Variants in PLXNA4 observed in about 807,000 individuals in gnomAD.
PLXNA4 encodes the protein plexin-A4.
PLXNA4 carries 44 observed loss-of-function variants against 191.8 expected under a neutral mutation model. That is an observed-to-expected ratio of 0.23 (90% CI 0.18 to 0.29). The LOEUF (loss-of-function observed/expected upper bound fraction) is 0.29. Ranked by LOEUF, PLXNA4 falls within the 10% of genes least tolerant of loss-of-function variation. The pLI, the probability that PLXNA4 is intolerant of heterozygous loss-of-function variation, is 1.00. For missense variants in PLXNA4, 1,800 were observed against 2,488.8 expected (o/e 0.72, Z 5.89); for synonymous variants, 1,082 against 1,009.5 (o/e 1.07, Z -1.36).
chr7:132,637,303 C>T (rs1803628613), intron 2 of PLXNA4, among the ~76,000 whole-genome samples: 2 of 152,170 alleles, frequency 1.3e-5, no homozygotes, highest in South Asian at 4.1e-4. Context: ...TGTCCAAGCA[C>T]CCCTTCACCT....
intron 1 of PLXNA4, among the ~76,000 whole-genome samples, chr7:132,511,500 GA>G (rs1798713990): frequency 6.6e-6 from 1 of 152,164 alleles, no homozygotes; most frequent in South Asian, 2.1e-4. Flanking sequence ...CCAGTATCAT[GA>G]GAAAAACAAA....
At chr7:132,576,517 G>GC (rs1802246473), upstream of PLXNA4, 2 of 985,962 alleles carry the variant, frequency 2.0e-6, no homozygotes, top group South Asian at 4.7e-5. This position sits in a 1 kb window ranked among gnomAD's most constrained non-coding sequence, Gnocchi z 5.8. Flanking sequence ...CTGAACGTGT[G>GC]CGTGTGCGCG....
In PLXNA4 at chr7:132,130,525, G is replaced by A. The variant is rs772178334; in HGVS notation, c.5639C>T (p.Ala1880Val). Residue 1880 changes from alanine (A) to valine (V), a missense_variant, in exon 32 of 32, where the codon GCC becomes GTC. This residue lies in a region of PLXNA4 where 83 missense variants were observed against 81.6 expected (regional missense o/e 1.02). Transcript: ENST00000321063. The part of the protein sequence containing the change: ...HDDQCGKQKL[A>V]YKLEQVITLM... ...GGTTATGACTTGTTCTAGTTTGTAG[G>A]CCAGTTTCTGCTTCCCACACTGGTC... 13 of 1,614,044 alleles carry A rather than the reference G, an allele frequency of 8.1e-6. No homozygotes were observed. The highest frequency in any genetic ancestry group is 1.7e-6 in the Non-Finnish European group (2 of 1,180,034).
intron 1 of PLXNA4, among the ~76,000 whole-genome samples, chr7:132,565,580 A>G (rs1563178406): frequency 6.6e-6 from 1 of 152,098 alleles, no homozygotes; most frequent in Non-Finnish European, 1.5e-5. Flanking sequence ...AGAATCAAAT[A>G]TGGTCCAAGC....
chr7:132,588,786 AAAAG>A (rs1802554886), intron 2 of PLXNA4, among the ~76,000 whole-genome samples: 3 of 151,084 alleles, frequency 2.0e-5, no homozygotes, highest in Admixed American at 6.6e-5. Flanking sequence ...GAAAGAGAGA[AAAAG>A]AAAGAAGAAA....
In PLXNA4 at chr7:132,612,738, A is replaced by T. The variant is rs1289433524; in HGVS notation, c.-87+33190T>A. Among the ~76,000 whole-genome samples the T allele has an allele frequency of 2.0e-5, 3 of 151,610 alleles. No individual in the cohort carries two copies. In the East Asian group the frequency reaches 5.8e-4, roughly 29 times the overall value. ...AGCACTACTGACATTTTGTGCAAATAATTCTTTATTGGGTGCAGGGAGGGC... is the reference window on the plus strand; with the variant it reads ...AGCACTACTGACATTTTGTGCAAATTATTCTTTATTGGGTGCAGGGAGGGC... On this transcript the variant is annotated intron_variant, in intron 2 of 4. Transcript: ENST00000378539.
chr7:132,157,282 C>G (rs1423750263), intron 25 of PLXNA4, among the ~76,000 whole-genome samples: 3 of 152,232 alleles, frequency 2.0e-5, no homozygotes, highest in Admixed American at 6.5e-5. Context: ...TGTTGCAGAG[C>G]TGCTCTTGGG....
At chr7:132,237,378 T>C (rs1346697382) in intron 5 of PLXNA4, among the ~76,000 whole-genome samples, 1 of 152,120 alleles carries the variant, frequency 6.6e-6, no homozygotes, top group Non-Finnish European at 1.5e-5. Flanking sequence ...TTTAAGAGGG[T>C]ATTTTTAGCT....
intron 2 of PLXNA4, among the ~76,000 whole-genome samples, chr7:132,588,027 T>C (rs1802534099): frequency 6.6e-6 from 1 of 152,010 alleles, no homozygotes; most frequent in South Asian, 2.1e-4. Context: ...CTCCCTTTCC[T>C]TGGGGGACCC....
At chr7:132,540,730 G>A (rs1211728383) in intron 1 of PLXNA4, among the ~76,000 whole-genome samples, 1 of 151,104 alleles carries the variant, frequency 6.6e-6, no homozygotes, top group Non-Finnish European at 1.5e-5. Flanking sequence ...TGGGACTACA[G>A]GCGCCCGCCA....
chr7:132,134,553 G>A (rs1433522890), intron 30 of PLXNA4, among the ~76,000 whole-genome samples: 2 of 152,230 alleles, frequency 1.3e-5, no homozygotes, highest in African/African-American at 4.8e-5. Flanking sequence ...GGGAGGCAGA[G>A]GGAGGGAGAT....
At chr7:132,380,536 C>T (rs1269913493) in intron 3 of PLXNA4, among the ~76,000 whole-genome samples, 3 of 152,120 alleles carry the variant, frequency 2.0e-5, no homozygotes, top group African/African-American at 4.8e-5. Flanking sequence ...TGGATGATTG[C>T]CATTCTCAAA....
At chr7:132,645,304 C>T (rs1803845890) in intron 2 of PLXNA4, among the ~76,000 whole-genome samples, 1 of 152,110 alleles carries the variant, frequency 6.6e-6, no homozygotes, top group Admixed American at 6.6e-5. Context: ...ATCGTGGGAG[C>T]AGTTTTCCGC....
intron 3 of PLXNA4, among the ~76,000 whole-genome samples, chr7:132,329,603 A>T (rs1238613498): frequency 6.6e-6 from 1 of 152,220 alleles, no homozygotes; most frequent in Non-Finnish European, 1.5e-5. Flanking sequence ...CCTCATCTGC[A>T]TCATGGGCCT....
intron 3 of PLXNA4, among the ~76,000 whole-genome samples, chr7:132,473,272 G>A (rs542645420): frequency 1.6e-4 from 25 of 152,248 alleles, no homozygotes; most frequent in South Asian, 4.2e-4. Context: ...TTCCTTAGCC[G>A]GACACTTTTG....
chr7:132,355,574 A>G (rs999585976), intron 3 of PLXNA4, among the ~76,000 whole-genome samples: 11 of 152,280 alleles, frequency 7.2e-5, no homozygotes, highest in African/African-American at 2.2e-4. Context: ...CCCTGGTACT[A>G]ACCATGTGCC....
intron 4 of PLXNA4, among the ~76,000 whole-genome samples, chr7:132,295,423 G>C (rs939746267): frequency 6.6e-6 from 1 of 152,164 alleles, no homozygotes; most frequent in Non-Finnish European, 1.5e-5. Context: ...TGCTTTCCAG[G>C]CTGCACTGAC....
chr7:132,544,389 C>G (rs1800207056), intron 1 of PLXNA4, among the ~76,000 whole-genome samples: 1 of 152,230 alleles, frequency 6.6e-6, no homozygotes, highest in South Asian at 2.1e-4. Flanking sequence ...TAGAGATTCT[C>G]TAAGTGAAAT....
At chr7:132,323,800 T>C (rs1420427179) in intron 3 of PLXNA4, among the ~76,000 whole-genome samples, 1 of 152,172 alleles carries the variant, frequency 6.6e-6, no homozygotes, top group African/African-American at 2.4e-5. Flanking sequence ...TTGATTTTTC[T>C]CACTGTTTAA....
Sources: gnomAD v4.1 joint callset for allele counts (sites outside exome capture counted in the v4.1 genomes callset) on GRCh38, gnomAD v4.1.1 for gene constraint, gnomAD v4.1.1 regional missense constraint, Gnocchi (gnomAD v3.1) non-coding constraint, MANE v1.5 for transcripts, NCBI Gene and HGNC (gene_info 2026-07-23, HGNC 2026-07-21) for gene names.